Variants in SNX29 observed in about 807,000 individuals in gnomAD.
The protein encoded by SNX29 is sorting nexin-29.
A neutral mutation model predicts 102.1 loss-of-function variants in SNX29; 78 were observed. That is an observed-to-expected ratio of 0.76 (90% CI 0.64 to 0.92). The LOEUF (loss-of-function observed/expected upper bound fraction) is 0.92, where lower values mean the gene tolerates loss of function less well. Among genes scored for constraint, SNX29 ranks in the 40% least tolerant of loss-of-function variants. The pLI is 0.00. For missense variants in SNX29, 1,280 were observed against 1,061.7 expected (o/e 1.21, Z -2.86); for synonymous variants, 580 against 414.5 (o/e 1.40, Z -4.85).
chr16:12,197,785 A>G (rs994859811), intron 13 of SNX29, among the ~76,000 whole-genome samples: 2 of 152,072 alleles, frequency 1.3e-5, no homozygotes, highest in African/African-American at 4.8e-5. Context: ...TACTTTCTCC[A>G]GAGCTTTGGA....
At chr16:12,017,415 A>G (rs1350825066) in intron 3 of SNX29, among the ~76,000 whole-genome samples, 1 of 151,982 alleles carries the variant, frequency 6.6e-6, no homozygotes. Flanking sequence ...TGTCTTATCC[A>G]TTTGTAGAAA....
chr16:12,337,681 A>G (rs913366456), intron 15 of SNX29, among the ~76,000 whole-genome samples: 1 of 151,996 alleles, frequency 6.6e-6, no homozygotes, highest in Non-Finnish European at 1.5e-5. Flanking sequence ...CAAACATGTG[A>G]CCCATTTGCC....
chr16:12,130,833 C>G (rs900366479), intron 13 of SNX29, among the ~76,000 whole-genome samples: 11 of 151,816 alleles, frequency 7.2e-5, no homozygotes, highest in Non-Finnish European at 1.5e-4. Flanking sequence ...TGGGGCTGCC[C>G]TCTGCTTTTT....
At chr16:12,060,129 G>T (rs1382707553) in intron 8 of SNX29, among the ~76,000 whole-genome samples, 2 of 149,866 alleles carry the variant, frequency 1.3e-5, no homozygotes, top group East Asian at 4.1e-4. Context: ...ACCAACTGTG[G>T]ATCAAAAATA....
In SNX29 at chr16:12,361,642, T is replaced by G. The variant is rs572102901; in HGVS notation, c.1899+5363T>G. 8.5e-4 allele frequency among the ~76,000 whole-genome samples: 130 copies of G among 152,318 alleles called. 1 individual carries two copies. Among genetic ancestry groups the G allele is most frequent in the African/African-American group, 3.1e-3 (128 of 41,570 alleles). On this transcript the variant is annotated intron_variant, in intron 16 of 20. Transcript: ENST00000566228. ...ATCCCACACTGAGAAGTGGCACTTC[T>G]GGATCTGACTTAAAAAATTAAATTT...
At chr16:12,315,697 G>C (rs2080710088) in intron 15 of SNX29, among the ~76,000 whole-genome samples, 1 of 152,170 alleles carries the variant, frequency 6.6e-6, no homozygotes. Flanking sequence ...CTCTACAACT[G>C]TGGGAAGTAG....
chr16:12,219,947 T>C (rs1490126839), intron 14 of SNX29, among the ~76,000 whole-genome samples: 2 of 152,062 alleles, frequency 1.3e-5, no homozygotes, highest in Non-Finnish European at 1.5e-5. Context: ...CACGTGCACG[T>C]GCACGCACAC....
At position 11,999,303 on chromosome 16, in the gene SNX29, A is replaced by G; in HGVS notation, c.14A>G (p.Gln5Arg). The G allele has an allele frequency of 6.2e-7, 1 of 1,614,108 alleles. No homozygotes were observed. Among genetic ancestry groups the G allele is most frequent in the Admixed American group, 1.7e-5 (1 of 60,012 alleles). The change falls in exon 2 of 21, where the codon CAG (glutamine) becomes CGG (arginine). Residue 5 changes from glutamine (Q) to arginine (R), a missense_variant. Transcript: ENST00000566228. ...AAGCCTCATTGCATTTTAGGATCAC[A>G]GAACAATGACAAAAGACAATTTCTG... Reference protein sequence around the residue: MSGSQNNDKRQFLLE... With the variant: MSGSRNNDKRQFLLE...
intron 15 of SNX29, among the ~76,000 whole-genome samples, chr16:12,284,423 C>T (rs778572929): frequency 6.6e-6 from 1 of 152,218 alleles, no homozygotes; most frequent in Non-Finnish European, 1.5e-5. Flanking sequence ...TCCTCTTCTC[C>T]CCTCCATCCT....
At chr16:12,537,460 C>G (rs1319293642) in intron 20 of SNX29, among the ~76,000 whole-genome samples, 1 of 150,854 alleles carries the variant, frequency 6.6e-6, no homozygotes, top group East Asian at 1.9e-4. Flanking sequence ...ACCTCTGCCT[C>G]AGCATCCTCA....
chr16:12,554,984 G>A lies in SNX29; in HGVS notation c.2319-13522G>A, dbSNP rs75814363. Among the ~76,000 whole-genome samples, 198 of 151,850 alleles carry A rather than the reference G, an allele frequency of 1.3e-3. 4 individuals are homozygous for A. Among genetic ancestry groups the A allele is most frequent in the East Asian group, 9.7e-3 (50 of 5,142 alleles). On this transcript the variant is annotated intron_variant, in intron 20 of 20. Transcript: ENST00000566228. Reference sequence around the variant, plus strand: ...AGGTGGTGAGGGGGGTCAGTCAGCCGGAGCACCTTTCTTTCTTGCAGAGGC... The same window carrying A: ...AGGTGGTGAGGGGGGTCAGTCAGCCAGAGCACCTTTCTTTCTTGCAGAGGC...
At chr16:12,163,090 C>T (rs2055858729) in intron 13 of SNX29, among the ~76,000 whole-genome samples, 1 of 152,146 alleles carries the variant, frequency 6.6e-6, no homozygotes, top group Admixed American at 6.5e-5. Context: ...CCATGTTGGC[C>T]AGGCTGGTCT....
At chr16:12,409,522 G>A (rs2084310520) in intron 18 of SNX29, among the ~76,000 whole-genome samples, 2 of 141,128 alleles carry the variant, frequency 1.4e-5, no homozygotes, top group East Asian at 2.3e-4. Flanking sequence ...TCCACCTCCC[G>A]GGTTCATGCC....
At chr16:12,237,832 C>T (rs571568056) in intron 14 of SNX29, among the ~76,000 whole-genome samples, 3 of 152,266 alleles carry the variant, frequency 2.0e-5, no homozygotes, top group East Asian at 1.9e-4. Context: ...CACTTGAACC[C>T]GGGAGATGGA....
intron 20 of SNX29, among the ~76,000 whole-genome samples, chr16:12,537,065 C>G (rs76648457): frequency 1.3e-5 from 2 of 152,154 alleles, no homozygotes; most frequent in Non-Finnish European, 1.5e-5. Context: ...ATTTAGGAGA[C>G]GATGTAGATT....
At chr16:12,561,279 C>T (rs529132040) in intron 20 of SNX29, 4 of 230,348 alleles carry the variant, frequency 1.7e-5, no homozygotes, top group South Asian at 1.8e-4. Flanking sequence ...GGCTAAGACA[C>T]AGGGAGAACA....
intron 20 of SNX29, among the ~76,000 whole-genome samples, chr16:12,538,497 TAC>T (rs1483168356): frequency 6.6e-6 from 1 of 152,106 alleles, no homozygotes; most frequent in Non-Finnish European, 1.5e-5. Context: ...ACATCTATGA[TAC>T]TTTGTTGGTA....
chr16:12,259,764 G>A (rs772442444), intron 14 of SNX29, among the ~76,000 whole-genome samples: 51 of 152,036 alleles, frequency 3.4e-4, no homozygotes, highest in Admixed American at 7.9e-4. Flanking sequence ...TCTGGGAACC[G>A]AGACCCACGA....
At chr16:12,150,484 A>C (rs1445979018) in intron 13 of SNX29, among the ~76,000 whole-genome samples, 1 of 152,240 alleles carries the variant, frequency 6.6e-6, no homozygotes, top group Non-Finnish European at 1.5e-5. Context: ...CTTCACCAGC[A>C]CTGGCGTCTT....
Sources: allele counts gnomAD v4.1 joint callset (sites outside exome capture counted in the v4.1 genomes callset), GRCh38; gene constraint gnomAD v4.1.1; transcripts MANE v1.5; gene names NCBI Gene and HGNC (gene_info 2026-07-23, HGNC 2026-07-21).